Variants in ADAM22 observed in about 807,000 individuals in gnomAD.
The protein encoded by ADAM22 is disintegrin and metalloproteinase domain-containing protein 22.
A neutral mutation model predicts 144.6 loss-of-function variants in ADAM22; 65 were observed. That is an observed-to-expected ratio of 0.45 (90% CI 0.37 to 0.55). ADAM22 has a LOEUF of 0.55. ADAM22 is among the 20% of genes least tolerant of loss of function. The pLI is 0.00. For synonymous variants in ADAM22, 391 were observed against 412.6 expected (o/e 0.95, Z 0.63); for missense variants, 974 against 1,184.9 (o/e 0.82, Z 2.61).
chr7:88,144,403 A>T (rs1466089572), intron 15 of ADAM22, among the ~76,000 whole-genome samples: 1 of 152,176 alleles, frequency 6.6e-6, no homozygotes, highest in Non-Finnish European at 1.5e-5. Flanking sequence ...CAGACCTAAA[A>T]CATACTCTTG....
intron 21 of ADAM22, among the ~76,000 whole-genome samples, chr7:88,155,261 T>G (rs1157679873): frequency 6.6e-6 from 1 of 151,876 alleles, no homozygotes; most frequent in Non-Finnish European, 1.5e-5. Context: ...CAGCATCTCA[T>G]GCTTATAATC....
intron 3 of ADAM22, among the ~76,000 whole-genome samples, chr7:88,038,211 A>G (rs1418211683): frequency 1.3e-5 from 2 of 152,188 alleles, no homozygotes; most frequent in African/African-American, 4.8e-5. Flanking sequence ...CTATGAAGTG[A>G]TAAGTTTCAG....
At chr7:88,022,969 T>G (rs1798160704) in intron 3 of ADAM22, among the ~76,000 whole-genome samples, 1 of 152,208 alleles carries the variant, frequency 6.6e-6, no homozygotes, top group Admixed American at 6.5e-5. Context: ...TGTAAAACAT[T>G]GCTAGACTAG....
intron 3 of ADAM22, among the ~76,000 whole-genome samples, chr7:88,046,510 A>G (rs1196228668): frequency 6.6e-6 from 1 of 151,972 alleles, no homozygotes; most frequent in Non-Finnish European, 1.5e-5. Flanking sequence ...ATTTGCCCCC[A>G]TTTTGTAGGT....
chr7:88,110,001 A>G (rs1024009267), intron 5 of ADAM22, among the ~76,000 whole-genome samples: 2 of 152,210 alleles, frequency 1.3e-5, no homozygotes, highest in Admixed American at 6.5e-5. Flanking sequence ...AGGAAAGAAT[A>G]TAAGTGTAAG....
intron 2 of ADAM22, among the ~76,000 whole-genome samples, chr7:87,974,722 T>C (rs1404103975): frequency 1.3e-5 from 2 of 152,220 alleles, no homozygotes; most frequent in South Asian, 2.1e-4. Flanking sequence ...CAACAACTTA[T>C]TGTCTTACAA....
intron 19 of ADAM22, 37 bp from the exon 20 acceptor site, chr7:88,151,220 A>G: frequency 6.2e-7 from 1 of 1,612,140 alleles, no homozygotes; most frequent in East Asian, 2.2e-5. Flanking sequence ...ATAAGCAGAT[A>G]TTGCATCGCT....
intron 3 of ADAM22, among the ~76,000 whole-genome samples, chr7:87,986,623 T>G (rs186194273): frequency 6.6e-6 from 1 of 152,338 alleles, no homozygotes; most frequent in Admixed American, 6.5e-5. Flanking sequence ...TATAAGGATA[T>G]ATCCGAGCTT....
intron 3 of ADAM22, among the ~76,000 whole-genome samples, chr7:88,052,456 C>T (rs988793334): frequency 6.6e-5 from 10 of 151,574 alleles, no homozygotes; most frequent in East Asian, 3.9e-4. Flanking sequence ...GCGGAGATCA[C>T]GCCACTGCAC....
At chr7:87,944,277 GTACACACAATT>G (rs1406925723) in intron 2 of ADAM22, among the ~76,000 whole-genome samples, 4 of 151,054 alleles carry the variant, frequency 2.6e-5, no homozygotes, top group African/African-American at 9.9e-5. Context: ...GGTCAGGCTG[GTACACACAATT>G]TGCTGGTACA....
chr7:87,941,179 C>G (rs1286268281), intron 2 of ADAM22, among the ~76,000 whole-genome samples: 3 of 152,182 alleles, frequency 2.0e-5, no homozygotes, highest in Non-Finnish European at 2.9e-5. Flanking sequence ...TTTCCTCTGG[C>G]TCTTTCCCTA....
At chr7:87,992,180 G>A (rs1294412391) in intron 3 of ADAM22, among the ~76,000 whole-genome samples, 1 of 152,168 alleles carries the variant, frequency 6.6e-6, no homozygotes, top group Non-Finnish European at 1.5e-5. Context: ...TGTTTTTTGT[G>A]GGTTTCAAAG....
chr7:88,196,478 A>C lies in ADAM22; in HGVS notation c.2882A>C (p.Glu961Ala). ...KVNRQSARLWETSI is the reference protein window; with the variant it reads ...KVNRQSARLWATSI Reference sequence around the variant, plus strand: ...CTCTTTTCTGTTGTGCAGCTATGGGAGACATCCATTTAAGATCAACTGTTT... The same window carrying C: ...CTCTTTTCTGTTGTGCAGCTATGGGCGACATCCATTTAAGATCAACTGTTT... The change falls in exon 32 of 32, where the codon GAG becomes GCG. Residue 961 changes from glutamate to alanine, a missense_variant. This residue lies in a region of ADAM22 where 734 missense variants were observed against 950.6 expected (regional missense o/e 0.77). Transcript: ENST00000413139. The C allele has an allele frequency of 6.2e-7, 1 of 1,614,062 alleles. No individual in the cohort carries two copies. The highest frequency in any genetic ancestry group is 8.5e-7 in the Non-Finnish European group (1 of 1,180,006).
intron 4 of ADAM22, among the ~76,000 whole-genome samples, chr7:88,081,609 A>C (rs1816671913): frequency 6.7e-6 from 1 of 150,220 alleles, no homozygotes; most frequent in Non-Finnish European, 1.5e-5. Context: ...CTCAGCCCAA[A>C]ATCTCCTTAA....
At position 88,113,703 on chromosome 7, in the gene ADAM22, A is replaced by AATAAATATATAT. The variant is rs1554478726; in HGVS notation, c.474-878_474-877insAATATATATATA. On this transcript the variant is annotated intron_variant, in intron 5 of 31. Transcript: ENST00000413139. The stretch of plus-strand genomic sequence containing the variant: ...TATATATATTATAAATAAATAAATA[A>AATAAATATATAT]ATATATATATATATATATATATATA... Among the ~76,000 whole-genome samples the AATAAATATATAT allele has an allele frequency of 8.7e-3, 420 of 48,006 alleles. 8 individuals carry two copies. Among genetic ancestry groups the AATAAATATATAT allele is most frequent in the Middle Eastern group, 0.036 (2 of 56 alleles). 31.5% of individuals were successfully genotyped at this position (48,006 alleles called of 152,430 possible).
chr7:87,936,617 T>C (rs939907290), intron 2 of ADAM22, among the ~76,000 whole-genome samples: 5 of 152,060 alleles, frequency 3.3e-5, no homozygotes, highest in Admixed American at 1.3e-4. Flanking sequence ...CTATTTCCTT[T>C]CCCTCTCTAT....
chr7:88,183,353 G>A (rs541667536), intron 29 of ADAM22, among the ~76,000 whole-genome samples: 1 of 152,088 alleles, frequency 6.6e-6, no homozygotes, highest in South Asian at 2.1e-4. Flanking sequence ...ATTGCAAAAT[G>A]TTCTTTAGAA....
intron 3 of ADAM22, among the ~76,000 whole-genome samples, chr7:88,019,510 A>G (rs1433009009): frequency 6.6e-6 from 1 of 151,844 alleles, no homozygotes; most frequent in African/African-American, 2.4e-5. Flanking sequence ...AAAGTTTAGC[A>G]TACTGACTTT....
intron 3 of ADAM22, among the ~76,000 whole-genome samples, chr7:88,043,424 G>T (rs1250157565): frequency 6.6e-6 from 1 of 151,148 alleles, no homozygotes; most frequent in Admixed American, 6.6e-5. Flanking sequence ...GGCAGAGCTT[G>T]CAGTGAGCCT....
Sources: gnomAD v4.1 joint callset for allele counts (sites outside exome capture counted in the v4.1 genomes callset) on GRCh38, gnomAD v4.1.1 for gene constraint, gnomAD v4.1.1 regional missense constraint, MANE v1.5 for transcripts, NCBI Gene and HGNC (gene_info 2026-07-23, HGNC 2026-07-21) for gene names.